Variants in CSMD1 observed in about 807,000 individuals in gnomAD.
CSMD1 encodes the protein CUB and Sushi multiple domains 1, also known as CUB and sushi domain-containing protein 1.
In CSMD1, 213 loss-of-function variants were observed where a neutral mutation model predicts 417.5. The observed-to-expected ratio is 0.51, with a 90% CI of 0.46 to 0.57. CSMD1 has a LOEUF of 0.57. Ranked by LOEUF, CSMD1 falls within the 20% of genes least tolerant of loss-of-function variation. The pLI, the probability that CSMD1 is intolerant of heterozygous loss-of-function variation, is 0.00. For missense variants in CSMD1, 6,923 were observed against 4,529.7 expected (o/e 1.53, Z -15.17); for synonymous variants, 2,862 against 1,736.8 (o/e 1.65, Z -16.11).
At chr8:4,058,859 C>T (rs186557823) in intron 3 of CSMD1, among the ~76,000 whole-genome samples, 5 of 151,590 alleles carry the variant, frequency 3.3e-5, no homozygotes, top group Non-Finnish European at 7.4e-5. Context: ...TTTAACACAC[C>T]ACTGTCAACA....
At chr8:4,672,899 A>T (rs562941787) in intron 1 of CSMD1, among the ~76,000 whole-genome samples, 23 of 152,272 alleles carry the variant, frequency 1.5e-4, no homozygotes, top group African/African-American at 4.3e-4. Context: ...AACATGAGAC[A>T]ACAAACACAT....
At chr8:3,686,289 A>T (rs988641762) in intron 7 of CSMD1, among the ~76,000 whole-genome samples, 3 of 152,158 alleles carry the variant, frequency 2.0e-5, no homozygotes, top group Non-Finnish European at 4.4e-5. Context: ...GTGTCAAGAG[A>T]CGTGTCATTG....
At chr8:4,656,259 A>T (rs1804222725) in intron 1 of CSMD1, among the ~76,000 whole-genome samples, 1 of 152,050 alleles carries the variant, frequency 6.6e-6, no homozygotes, top group Non-Finnish European at 1.5e-5. Context: ...TTCAGGGGGC[A>T]GTAGAAGAAG....
chr8:3,374,146 G>A (rs1255476965), intron 18 of CSMD1, among the ~76,000 whole-genome samples: 2 of 150,782 alleles, frequency 1.3e-5, no homozygotes, highest in East Asian at 4.0e-4. Flanking sequence ...TAGAGACGGG[G>A]TTTCACCTTG....
chr8:4,343,849 C>A (rs1028662533), intron 3 of CSMD1, among the ~76,000 whole-genome samples: 1 of 152,082 alleles, frequency 6.6e-6, no homozygotes, highest in East Asian at 1.9e-4. Flanking sequence ...TTTTCTCGTA[C>A]ATCTCCTGTA....
chr8:3,906,201 G>C (rs935946286), intron 5 of CSMD1, among the ~76,000 whole-genome samples: 28 of 151,958 alleles, frequency 1.8e-4, no homozygotes, highest in African/African-American at 6.5e-4. Context: ...TGAATCACAA[G>C]TGCTTCATTA....
intron 62 of CSMD1, among the ~76,000 whole-genome samples, chr8:2,958,663 C>T (rs1054534547): frequency 1.5e-4 from 23 of 152,196 alleles, no homozygotes; most frequent in African/African-American, 5.3e-4. Flanking sequence ...AGGAAAGCAG[C>T]CCCCAGGGAA....
At chr8:4,579,279 G>GTA (rs1278945794) in intron 2 of CSMD1, among the ~76,000 whole-genome samples, 2 of 149,524 alleles carry the variant, frequency 1.3e-5, no homozygotes, top group Admixed American at 1.3e-4. Flanking sequence ...ATATATATAT[G>GTA]TATATATATA....
intron 41 of CSMD1, among the ~76,000 whole-genome samples, chr8:3,125,055 A>G (rs1342045229): frequency 1.3e-5 from 2 of 152,240 alleles, no homozygotes; most frequent in African/African-American, 4.8e-5. Context: ...GTATAAAGTC[A>G]TATTCTCTCT....
Position 3,656,806 on chromosome 8 carries a change from T to A in CSMD1, c.1010-40009A>T, listed in dbSNP as rs140748355. Among the ~76,000 whole-genome samples, 789 of 152,056 alleles carry A rather than the reference T, an allele frequency of 5.2e-3. 4 individuals carry two copies. Among genetic ancestry groups the A allele is most frequent in the Non-Finnish European group, 8.8e-3 (596 of 67,986 alleles). On this transcript the variant is annotated intron_variant, in intron 7 of 69. Coordinates refer to ENST00000635120, the MANE Select transcript of CSMD1 (RefSeq NM_033225.6). The stretch of plus-strand genomic sequence containing the variant: ...GCAGATGTGGTGGGCATCCCTGTAG[T>A]CCCAGCTATTCAGGAGGCTGAGGCA...
chr8:3,891,595 A>G (rs1357023675), intron 5 of CSMD1, among the ~76,000 whole-genome samples: 2 of 151,976 alleles, frequency 1.3e-5, no homozygotes, highest in East Asian at 1.9e-4. Flanking sequence ...AGATGCGAGG[A>G]TTGTTTGAGC....
intron 4 of CSMD1, among the ~76,000 whole-genome samples, chr8:4,030,807 G>A (rs912690282): frequency 6.6e-6 from 1 of 152,070 alleles, no homozygotes; most frequent in African/African-American, 2.4e-5. Flanking sequence ...AAAACTGAAA[G>A]CTTTACAGCA....
chr8:4,492,698 A>G (rs970900965), intron 2 of CSMD1, among the ~76,000 whole-genome samples: 2 of 152,194 alleles, frequency 1.3e-5, no homozygotes, highest in African/African-American at 4.8e-5. Flanking sequence ...TTTGAGAATG[A>G]GTCGTCACAT....
Position 3,806,352 on chromosome 8 carries a change from T to C in CSMD1, c.819-52310A>G, listed in dbSNP as rs1800741394. ...TTCTTTACAACCAAGTATATAGAAATGAAAATAATAACCAATATGCCCCTG... is the reference window on the plus strand; with the variant it reads ...TTCTTTACAACCAAGTATATAGAAACGAAAATAATAACCAATATGCCCCTG... On this transcript the variant is annotated intron_variant, in intron 5 of 69. Coordinates refer to ENST00000635120, the MANE Select transcript of CSMD1 (RefSeq NM_033225.6). Among the ~76,000 whole-genome samples the C allele has an allele frequency of 2.0e-5, 3 of 152,148 alleles. No individual in the cohort carries two copies. In the South Asian group the frequency reaches 6.2e-4, roughly 32 times the overall value.
At chr8:3,147,652 C>G (rs1265558063) in intron 40 of CSMD1, among the ~76,000 whole-genome samples, 1 of 152,180 alleles carries the variant, frequency 6.6e-6, no homozygotes, top group Non-Finnish European at 1.5e-5. Flanking sequence ...TTCCTTGTTA[C>G]TTAGTGTTGC....
chr8:4,054,039 A>G (rs561623875), intron 3 of CSMD1, among the ~76,000 whole-genome samples: 1 of 152,186 alleles, frequency 6.6e-6, no homozygotes, highest in South Asian at 2.1e-4. Flanking sequence ...TTTGCTTAGG[A>G]AGTTCACTGA....
chr8:4,320,763 G>T (rs1274139917), intron 3 of CSMD1, among the ~76,000 whole-genome samples: 2 of 152,046 alleles, frequency 1.3e-5, no homozygotes, highest in Non-Finnish European at 2.9e-5. Flanking sequence ...ATCATTGACG[G>T]GCATTTGGAT....
At chr8:3,224,361 C>G (rs191596824) in intron 27 of CSMD1, among the ~76,000 whole-genome samples, 1 of 152,152 alleles carries the variant, frequency 6.6e-6, no homozygotes, top group African/African-American at 2.4e-5. Context: ...TCATCTAGCT[C>G]CTGTTCATTG....
At chr8:4,679,490 A>G (rs1380649320) in intron 1 of CSMD1, among the ~76,000 whole-genome samples, 1 of 152,236 alleles carries the variant, frequency 6.6e-6, no homozygotes, top group Non-Finnish European at 1.5e-5. Flanking sequence ...TCACTATTCT[A>G]GAATTTCATG....
Sources: gnomAD v4.1 joint callset for allele counts (sites outside exome capture counted in the v4.1 genomes callset) on GRCh38, gnomAD v4.1.1 for gene constraint, MANE v1.5 for transcripts, NCBI Gene and HGNC (gene_info 2026-07-23, HGNC 2026-07-21) for gene names.